SYNPO2: variants seen among roughly 807,000 people sequenced by gnomAD.
The protein encoded by SYNPO2 is synaptopodin-2.
SYNPO2 carries 56 observed loss-of-function variants against 85.0 expected under a neutral mutation model. The observed-to-expected ratio is 0.66, with a 90% CI of 0.53 to 0.82. The LOEUF is 0.82. Ranked by LOEUF, SYNPO2 falls within the 40% of genes least tolerant of loss-of-function variation. The pLI, the probability that SYNPO2 is intolerant of heterozygous loss-of-function variation, is 0.00. For synonymous variants in SYNPO2, 602 were observed against 591.1 expected, an observed-to-expected ratio of 1.02 and a Z score of -0.27; for missense variants, 1,575 against 1,534.2, an observed-to-expected ratio of 1.03 and a Z score of -0.44.
chr4:118,906,825 T>C, intron 1 of SYNPO2, among the ~76,000 whole-genome samples: 1 of 152,192 alleles, frequency 6.6e-6, no homozygotes, highest in South Asian at 2.1e-4. Flanking sequence ...AATTATTTTA[T>C]TATTTTTATT....
chr4:118,989,023 C>A (rs1422972610), intron 1 of SYNPO2, among the ~76,000 whole-genome samples: 1 of 152,094 alleles, frequency 6.6e-6, no homozygotes. Flanking sequence ...AAGGTGGTCA[C>A]ACATAAAACA....
upstream of SYNPO2, chr4:118,888,765 T>C (rs1221991939): frequency 2.1e-6 from 1 of 475,886 alleles, no homozygotes; most frequent in Non-Finnish European, 3.7e-6. Context: ...TCCTCGAAGG[T>C]GGGCCGAGCA....
intron 1 of SYNPO2, among the ~76,000 whole-genome samples, chr4:119,011,977 C>A (rs1368357043): frequency 1.5e-5 from 2 of 136,484 alleles, no homozygotes; most frequent in Non-Finnish European, 3.0e-5. Flanking sequence ...GCTTGGAGTG[C>A]AGTGGAGCCA....
chr4:119,052,039 A>C (rs528977260), intron 4 of SYNPO2, among the ~76,000 whole-genome samples: 3 of 152,308 alleles, frequency 2.0e-5, no homozygotes, highest in African/African-American at 7.2e-5. Flanking sequence ...GAAGAGTTTC[A>C]AAGTGTCTTC....
At chr4:119,011,265 G>GCCT (rs1737290519) in intron 1 of SYNPO2, among the ~76,000 whole-genome samples, 1 of 152,164 alleles carries the variant, frequency 6.6e-6, no homozygotes, top group African/African-American at 2.4e-5. Flanking sequence ...CTGGGGTAGT[G>GCCT]CCTCTGCTCC....
intron 1 of SYNPO2, among the ~76,000 whole-genome samples, chr4:118,990,669 C>T (rs978334393): frequency 6.6e-5 from 10 of 152,050 alleles, no homozygotes; most frequent in Non-Finnish European, 1.0e-4. Context: ...AGTGCAGTGG[C>T]GCAATCTCAG....
At chr4:118,890,998 T>C (rs1176589342) in intron 1 of SYNPO2, among the ~76,000 whole-genome samples, 1 of 152,114 alleles carries the variant, frequency 6.6e-6, no homozygotes, top group African/African-American at 2.4e-5. Context: ...TTCTGAGTTC[T>C]GCATGTGACG....
At chr4:118,934,500 C>T (rs1048030341) in intron 1 of SYNPO2, among the ~76,000 whole-genome samples, 15 of 152,158 alleles carry the variant, frequency 9.9e-5, no homozygotes, top group Admixed American at 2.0e-4. Flanking sequence ...AAATTACATG[C>T]TCACCCCAAC....
At chr4:118,958,809 C>T (rs531302228) in intron 1 of SYNPO2, among the ~76,000 whole-genome samples, 1 of 152,246 alleles carries the variant, frequency 6.6e-6, no homozygotes, top group East Asian at 1.9e-4. Flanking sequence ...CAGATGGCTC[C>T]CCATAGAGAT....
At position 119,057,530 on chromosome 4, in the gene SYNPO2, A is replaced by G. The variant is rs370948365; in HGVS notation, c.3382A>G (p.Arg1128Gly). 23 of 1,614,048 alleles carry G rather than the reference A, an allele frequency of 1.4e-5. No individual in the cohort carries two copies. The highest frequency in any genetic ancestry group is 1.9e-5 in the Non-Finnish European group (23 of 1,180,044). Residue 1128 changes from arginine (R) to glycine (G), a missense_variant, in exon 5 of 5, where the codon AGA (arginine) becomes GGA (glycine). By Grantham distance (125) the Arg-to-Gly change is moderately radical. Coordinates refer to ENST00000307142, the MANE Select transcript of SYNPO2 (RefSeq NM_133477.3). ...CGATGGACTAGAGAAAGCAAACAAG[A>G]GACCAACTCCTTGGGAAGCAGCAGC... ...PTDGLEKANK[R>G]PTPWEAAAKS...
Position 119,005,363 on chromosome 4 carries a change from C to G in SYNPO2, c.106-18067C>G, listed in dbSNP as rs192656523. Among the ~76,000 whole-genome samples, 231 of 152,130 alleles carry G rather than the reference C, an allele frequency of 1.5e-3. 1 individual carries two copies. Among genetic ancestry groups the G allele is most frequent in the African/African-American group, 5.5e-3 (227 of 41,540 alleles). On this transcript the variant is annotated intron_variant, in intron 1 of 4. Coordinates refer to ENST00000307142, the MANE Select transcript of SYNPO2 (RefSeq NM_133477.3). ...TTCTAGGGTTTTTATGGTTTTAGGT[C>G]TAACATTATAGTCTTTAATCCATCT... is the stretch of plus-strand genomic sequence containing the variant.
Position 118,888,927 on chromosome 4 carries a change from C to A in SYNPO2, c.-110C>A. 1 of 1,094,872 alleles carries A rather than the reference C, an allele frequency of 9.1e-7. No homozygotes were observed. Among genetic ancestry groups the A allele is most frequent in the South Asian group, 1.3e-5 (1 of 79,110 alleles). 67.8% of individuals were successfully genotyped at this position (1,094,872 alleles called of 1,614,324 possible). ...CAGCAGCGGCGGACGCTCTGCATTA[C>A]CCAGTCTTGCGTCCTCGGCAGGCGC... is the stretch of plus-strand genomic sequence containing the variant. On this transcript the variant is annotated 5_prime_UTR_variant, in exon 1 of 5. Coordinates refer to ENST00000307142, the MANE Select transcript of SYNPO2 (RefSeq NM_133477.3).
chr4:118,850,998 A>G lies in SYNPO2; in HGVS notation c.12+58A>G, dbSNP rs149454433. The G allele has an allele frequency of 1.2e-3, 465 of 398,588 alleles. 2 individuals carry two copies. The highest frequency in any genetic ancestry group is 8.7e-3 in the African/African-American group (425 of 48,760). 24.7% of individuals were successfully genotyped at this position (398,588 alleles called of 1,614,324 possible). The stretch of plus-strand genomic sequence containing the variant: ...CTTTATATTTCAATCACCTGAACTC[A>G]TTACTCATTATTGCCTGCGAATATC... On this transcript the variant is annotated intron_variant, in intron 1 of 4. Coordinates refer to the SYNPO2 transcript ENST00000610556.
chr4:119,002,302 C>T (rs1736848743), intron 1 of SYNPO2, among the ~76,000 whole-genome samples: 2 of 152,044 alleles, frequency 1.3e-5, no homozygotes, highest in African/African-American at 4.8e-5. Flanking sequence ...GCTCTGTCAC[C>T]CAGGCTGGAG....
chr4:118,996,344 A>G (rs1736593952), intron 1 of SYNPO2, among the ~76,000 whole-genome samples: 2 of 152,074 alleles, frequency 1.3e-5, no homozygotes, highest in South Asian at 4.1e-4. Context: ...CCCTTCGTCC[A>G]CCACTTTTGC....
chr4:119,031,153 C>G lies in SYNPO2; in HGVS notation c.2378C>G (p.Pro793Arg), dbSNP rs768406595. 1.2e-6 allele frequency: 2 copies of G among 1,614,146 alleles called. No individual in the cohort carries two copies. The highest frequency in any genetic ancestry group is 1.3e-5 in the African/African-American group (1 of 75,028). ...GVAPTQPPAF[P>R]TSNPSKGTVV... ...GCTCCCACCCAACCTCCTGCCTTCC[C>G]CACATCCAACCCATCAAAGGGCACC... Residue 793 changes from proline to arginine, a missense_variant, in exon 4 of 5, where the codon CCC (proline) becomes CGC (arginine). Pro to Arg is a moderately radical substitution (Grantham distance 103). This residue lies in a region of SYNPO2 where 1,508 missense variants were observed against 1,446.8 expected (regional missense o/e 1.04). Transcript: ENST00000307142.
chr4:118,936,245 T>A (rs1449174278), intron 1 of SYNPO2, among the ~76,000 whole-genome samples: 1 of 152,156 alleles, frequency 6.6e-6, no homozygotes, highest in African/African-American at 2.4e-5. Flanking sequence ...TCTCTGATGT[T>A]CGCCTAAGGG....
chr4:119,004,260 T>G (rs915550022), intron 1 of SYNPO2, among the ~76,000 whole-genome samples: 1 of 152,172 alleles, frequency 6.6e-6, no homozygotes, highest in Non-Finnish European at 1.5e-5. Context: ...AGTTTTAGGG[T>G]ACATGTGCAC....
intron 1 of SYNPO2, among the ~76,000 whole-genome samples, chr4:118,882,551 G>T (rs1415867233): frequency 6.6e-6 from 1 of 152,028 alleles, no homozygotes; most frequent in African/African-American, 2.4e-5. Flanking sequence ...AAAATAAAAT[G>T]CCTAATATGT....
Sources: gnomAD v4.1 joint callset for allele counts (sites outside exome capture counted in the v4.1 genomes callset) on GRCh38, gnomAD v4.1.1 for gene constraint, gnomAD v4.1.1 regional missense constraint, MANE v1.5 for transcripts, NCBI Gene and HGNC (gene_info 2026-07-23, HGNC 2026-07-21) for gene names.